SNTB1: variants seen among roughly 807,000 people sequenced by gnomAD.
SNTB1 encodes the protein syntrophin beta 1.
Under a neutral mutation model 48.9 loss-of-function variants are expected in SNTB1, and 36 were observed. That is an observed-to-expected ratio of 0.74 (90% CI 0.56 to 0.97). The LOEUF is 0.97. SNTB1 is among the 50% of genes least tolerant of loss of function. SNTB1 has a pLI of 0.00. For missense variants in SNTB1, 786 were observed against 703.4 expected (o/e 1.12, Z -1.33); for synonymous variants, 299 against 294.6 (o/e 1.01, Z -0.15).
At chr8:120,570,778 G>A (rs756829222) in intron 4 of SNTB1, 5 of 157,704 alleles carry the variant, frequency 3.2e-5, no homozygotes, top group Non-Finnish European at 5.6e-5. Flanking sequence ...CGAGCTCTGT[G>A]CTTGGATCTT....
chr8:120,641,118 C>T (rs1387137889), intron 2 of SNTB1, among the ~76,000 whole-genome samples: 1 of 151,994 alleles, frequency 6.6e-6, no homozygotes, highest in Non-Finnish European at 1.5e-5. Context: ...AAAAAAATCT[C>T]ATGACTTTTA....
At chr8:120,698,689 T>G (rs1297498395) in intron 1 of SNTB1, among the ~76,000 whole-genome samples, 1 of 152,164 alleles carries the variant, frequency 6.6e-6, no homozygotes, top group African/African-American at 2.4e-5. Context: ...GGCTATCAAT[T>G]GTAGACATAA....
At chr8:120,772,648 CAACT>C (rs949951100) in intron 1 of SNTB1, among the ~76,000 whole-genome samples, 1 of 152,124 alleles carries the variant, frequency 6.6e-6, no homozygotes, top group African/African-American at 2.4e-5. Context: ...CCACTGGAGT[CAACT>C]AAGCTGAAAT....
chr8:120,755,790 T>C lies in SNTB1; in HGVS notation c.571+55483A>G, dbSNP rs1300899895. Among the ~76,000 whole-genome samples the C allele has an allele frequency of 2.6e-5, 4 of 152,142 alleles. No individual in the cohort carries two copies. The South Asian group carries it at 8.3e-4, about 32-fold the overall frequency. ...GTAAGTACTATGTTCCAAGTTATGT[T>C]CTAATAGCTTTACAGACATAACTTC... On this transcript the variant is annotated intron_variant, in intron 1 of 6. Coordinates refer to ENST00000517992, the MANE Select transcript of SNTB1 (RefSeq NM_021021.4).
chr8:120,703,729 A>T (rs1412575339), intron 1 of SNTB1, among the ~76,000 whole-genome samples: 1 of 152,202 alleles, frequency 6.6e-6, no homozygotes, highest in Non-Finnish European at 1.5e-5. Context: ...CAGCATTCCA[A>T]CAACACTTCA....
intron 1 of SNTB1, among the ~76,000 whole-genome samples, chr8:120,710,848 C>G (rs1348768426): frequency 6.6e-6 from 1 of 152,070 alleles, no homozygotes; most frequent in African/African-American, 2.4e-5. Context: ...CTCTGGTATT[C>G]TGTTACAGCA....
chr8:120,643,065 C>A (rs1366353833), intron 2 of SNTB1, among the ~76,000 whole-genome samples: 1 of 152,186 alleles, frequency 6.6e-6, no homozygotes, highest in African/African-American at 2.4e-5. Flanking sequence ...GAAGGCTTGA[C>A]TGGGGTTGAG....
At chr8:120,572,287 T>C (rs1270623481) in intron 4 of SNTB1, among the ~76,000 whole-genome samples, 11 of 152,216 alleles carry the variant, frequency 7.2e-5, no homozygotes, top group Non-Finnish European at 2.9e-5. Context: ...TGGACCAAAC[T>C]TCTTCCAGAG....
At chr8:120,592,447 C>G (rs972524224) in intron 3 of SNTB1, among the ~76,000 whole-genome samples, 1 of 152,088 alleles carries the variant, frequency 6.6e-6, no homozygotes, top group African/African-American at 2.4e-5. Flanking sequence ...CCTCAGTCTC[C>G]CAAAGTGCAG....
At chr8:120,667,100 C>CTTCTTT (rs369643292) in intron 2 of SNTB1, among the ~76,000 whole-genome samples, 3 of 140,652 alleles carry the variant, frequency 2.1e-5, no homozygotes, top group South Asian at 2.3e-4. Flanking sequence ...TCTCTCTCTT[C>CTTCTTT]TTTTTTTTTT....
At chr8:120,576,688 T>C (rs566509040) in intron 3 of SNTB1, among the ~76,000 whole-genome samples, 3 of 152,176 alleles carry the variant, frequency 2.0e-5, no homozygotes, top group Non-Finnish European at 4.4e-5. Flanking sequence ...CACAAATTTG[T>C]GTTACCCAGT....
intron 3 of SNTB1, among the ~76,000 whole-genome samples, chr8:120,612,185 T>C (rs1460817613): frequency 1.3e-5 from 2 of 152,232 alleles, no homozygotes; most frequent in African/African-American, 2.4e-5. Context: ...ATAATAACAA[T>C]AACAGTAGCC....
intron 1 of SNTB1, among the ~76,000 whole-genome samples, chr8:120,710,652 C>T (rs559502605): frequency 6.6e-5 from 10 of 152,108 alleles, no homozygotes; most frequent in Non-Finnish European, 1.3e-4. Flanking sequence ...GCCCTTTTTG[C>T]CCTTCTGCCT....
At chr8:120,722,356 C>A (rs1298945564) in intron 1 of SNTB1, among the ~76,000 whole-genome samples, 1 of 152,192 alleles carries the variant, frequency 6.6e-6, no homozygotes, top group Non-Finnish European at 1.5e-5. Context: ...GTTTACACTC[C>A]CATCAACAGT....
intron 3 of SNTB1, among the ~76,000 whole-genome samples, chr8:120,609,984 C>T (rs1253445531): frequency 6.6e-6 from 1 of 152,180 alleles, no homozygotes; most frequent in East Asian, 1.9e-4. Flanking sequence ...CCTCCCAAAT[C>T]TTGTGCTTTG....
In SNTB1 at chr8:120,541,971, A is replaced by C. The variant is rs1440947587; in HGVS notation, c.1363T>G (p.Leu455Val). 2 of 1,613,900 alleles carry C rather than the reference A, an allele frequency of 1.2e-6. No homozygotes were observed. Among genetic ancestry groups the C allele is most frequent in the South Asian group, 2.2e-5 (2 of 91,020 alleles). Residue 455 changes from leucine (L) to valine (V), a missense_variant, in exon 6 of 7, where the codon TTG becomes GTG. Physicochemically the swap from Leu to Val is conservative, Grantham distance 32. Transcript: ENST00000517992. ...ACTYKNQECR[L>V]TIHYENGFSI... Reference sequence around the variant, plus strand: ...AATCCATTCTCATAATGTATGGTCAAACGGCACTCCTGGTTTTTGTAGGTG... The same window carrying C: ...AATCCATTCTCATAATGTATGGTCACACGGCACTCCTGGTTTTTGTAGGTG...
intron 1 of SNTB1, 133 bp downstream of exon 1, chr8:120,811,140 C>A (rs916081064): frequency 1.9e-5 from 24 of 1,263,318 alleles, no homozygotes; most frequent in Non-Finnish European, 2.4e-5. Flanking sequence ...TTCCCCCCCC[C>A]CCAACACACA....
intron 1 of SNTB1, among the ~76,000 whole-genome samples, chr8:120,776,166 G>C (rs1819733153): frequency 6.6e-6 from 1 of 152,132 alleles, no homozygotes; most frequent in Admixed American, 6.5e-5. Context: ...CCAATTCTAT[G>C]GAAGAAACAG....
intron 4 of SNTB1, among the ~76,000 whole-genome samples, chr8:120,553,435 G>T (rs1050811550): frequency 1.3e-5 from 2 of 152,154 alleles, no homozygotes; most frequent in African/African-American, 4.8e-5. Context: ...TGGGTATGCT[G>T]TAATAAAAGG....
Sources: gnomAD v4.1 joint callset for allele counts (sites outside exome capture counted in the v4.1 genomes callset) on GRCh38, gnomAD v4.1.1 for gene constraint, MANE v1.5 for transcripts, NCBI Gene and HGNC (gene_info 2026-07-23, HGNC 2026-07-21) for gene names.